Variants in NCK1 observed in about 807,000 individuals in gnomAD.
NCK1 encodes the protein NCK adaptor protein 1, also known as SH2/SH3 adapter protein NCK1.
NCK1 carries 19 observed loss-of-function variants against 36.6 expected under a neutral mutation model. That is an observed-to-expected ratio of 0.52 (90% CI 0.36 to 0.76). The LOEUF (loss-of-function observed/expected upper bound fraction) is 0.76. Ranked by LOEUF, NCK1 falls within the 30% of genes least tolerant of loss-of-function variation. The probability of loss-of-function intolerance (pLI) is 0.00; values close to 1 mark genes in which losing one functional copy is unlikely to be tolerated. For missense variants in NCK1, 358 were observed against 445.6 expected (o/e 0.80, Z 1.77); for synonymous variants, 165 against 156.0 (o/e 1.06, Z -0.43).
Position 136,865,778 on chromosome 3 carries a change from A to G in NCK1, c.-19+3425A>G, listed in dbSNP as rs115975228. On this transcript the variant is annotated intron_variant, in intron 1 of 3. Transcript: ENST00000481752. ...ATATGACATTTAAAGATTTAAGGAA[A>G]CTTTATGTCTGGCTGATCCTCACCT... 4.1e-3 allele frequency among the ~76,000 whole-genome samples: 618 copies of G among 152,338 alleles called. 2 individuals carry two copies. Among genetic ancestry groups the G allele is most frequent in the Middle Eastern group, 0.031 (9 of 294 alleles).
chr3:136,910,735 C>T (rs558503630), intron 1 of NCK1, among the ~76,000 whole-genome samples: 1 of 152,294 alleles, frequency 6.6e-6, no homozygotes, highest in African/African-American at 2.4e-5. Context: ...ATGATTAAAT[C>T]AAGCTAATTA....
chr3:136,895,784 C>G (rs1257962331), intron 1 of NCK1, among the ~76,000 whole-genome samples: 1 of 152,108 alleles, frequency 6.6e-6, no homozygotes, highest in Non-Finnish European at 1.5e-5. Context: ...AGGCTGATCT[C>G]TAACTCCTGA....
chr3:136,896,302 C>T (rs1436536755), intron 1 of NCK1, among the ~76,000 whole-genome samples: 2 of 152,110 alleles, frequency 1.3e-5, no homozygotes, highest in African/African-American at 4.8e-5. Context: ...CCCATGTACC[C>T]TTCTCAGATT....
chr3:136,923,120 T>TGC (rs765999993), intron 1 of NCK1, among the ~76,000 whole-genome samples: 9 of 152,034 alleles, frequency 5.9e-5, no homozygotes, highest in Non-Finnish European at 1.0e-4. Context: ...TGTGTGTGTG[T>TGC]GCGCGCCTGT....
intron 1 of NCK1, among the ~76,000 whole-genome samples, chr3:136,889,924 C>G (rs535344655): frequency 5.5e-4 from 84 of 152,354 alleles, no homozygotes; most frequent in African/African-American, 1.7e-3. Context: ...GACTCAGGAG[C>G]CCAGCTGGCT....
chr3:136,943,333 G>T (rs1387439498), intron 2 of NCK1, among the ~76,000 whole-genome samples: 1 of 152,194 alleles, frequency 6.6e-6, no homozygotes, highest in Non-Finnish European at 1.5e-5. Flanking sequence ...AGAAAATTAG[G>T]AAGGAAGAAG....
chr3:136,950,982 A>C lies in NCK1; in HGVS notation c.*2529A>C, dbSNP rs547742450. On this transcript the variant is annotated 3_prime_UTR_variant, in exon 4 of 4. Transcript: ENST00000481752. ...AGGATTCAGCTGAATATATATTCAC[A>C]CATGTATATTACACATATATCACTA... Among the ~76,000 whole-genome samples the C allele has an allele frequency of 6.6e-6, 1 of 152,298 alleles. No individual in the cohort carries two copies. The highest frequency in any genetic ancestry group is 2.4e-5 in the African/African-American group (1 of 41,580).
chr3:136,884,994 T>G (rs1939040858), intron 1 of NCK1, among the ~76,000 whole-genome samples: 1 of 152,142 alleles, frequency 6.6e-6, no homozygotes, highest in Non-Finnish European at 1.5e-5. Context: ...GTGTTGAGAT[T>G]ATAGGTGTGA....
intron 1 of NCK1, among the ~76,000 whole-genome samples, chr3:136,894,639 A>G (rs2108092795): frequency 6.6e-6 from 1 of 152,258 alleles, no homozygotes; most frequent in South Asian, 2.1e-4. Flanking sequence ...CCATTGAGGT[A>G]CTGTAAATGT....
chr3:136,927,928 CA>C, intron 1 of NCK1, 55 bp from the exon 2 acceptor site: 1 of 1,219,832 alleles, frequency 8.2e-7, no homozygotes, highest in South Asian at 1.4e-5. Flanking sequence ...TTTTGAAAAG[CA>C]TGTGAACTAA....
chr3:136,872,222 A>G (rs1236446149), intron 1 of NCK1, among the ~76,000 whole-genome samples: 5 of 152,222 alleles, frequency 3.3e-5, no homozygotes, highest in Admixed American at 3.3e-4. Flanking sequence ...GATATGGACC[A>G]TAAAGTCCAG....
At position 136,908,703 on chromosome 3, in the gene NCK1, G is replaced by T. The variant is rs1463771134; in HGVS notation, c.-18-19281G>T. ...ACAATATATATTTTTTACTGTGGTT[G>T]CCATGTCCCTTACTCAAAATTGGTA... On this transcript the variant is annotated intron_variant, in intron 1 of 3. Coordinates refer to ENST00000481752, the MANE Select transcript of NCK1 (RefSeq NM_001291999.2). Among the ~76,000 whole-genome samples, 7 of 152,206 alleles carry T rather than the reference G, an allele frequency of 4.6e-5. No homozygotes were observed. In the South Asian group the frequency reaches 6.2e-4, roughly 14 times the overall value.
At chr3:136,918,749 A>C (rs956825648) in intron 1 of NCK1, among the ~76,000 whole-genome samples, 1 of 152,190 alleles carries the variant, frequency 6.6e-6, no homozygotes, top group African/African-American at 2.4e-5. Flanking sequence ...CAATTCTTCC[A>C]TTGTGGCCCA....
chr3:136,868,036 G>C (rs902313724), intron 1 of NCK1, among the ~76,000 whole-genome samples: 3 of 151,934 alleles, frequency 2.0e-5, no homozygotes, highest in Non-Finnish European at 4.4e-5. Flanking sequence ...TCTTGCCTCA[G>C]CCTCCTGAGG....
intron 1 of NCK1, among the ~76,000 whole-genome samples, chr3:136,871,568 C>T (rs1167632698): frequency 6.6e-6 from 1 of 152,152 alleles, no homozygotes; most frequent in Non-Finnish European, 1.5e-5. Context: ...TGCGCCCCCT[C>T]CAATCAGTGT....
At position 136,879,989 on chromosome 3, in the gene NCK1, T is replaced by TAAAAAAAAAAAAA. The variant is rs891612999; in HGVS notation, c.-19+17637_-19+17649dup. ...ATGTACCCTAGAACTTAAAGAATAT[T>TAAAAAAAAAAAAA]AAAAAAAAAAAAAGGCTGGGCACAG... On this transcript the variant is annotated intron_variant, in intron 1 of 3. Transcript: ENST00000481752. 5.0e-5 allele frequency among the ~76,000 whole-genome samples: 6 copies of TAAAAAAAAAAAAA among 119,516 alleles called. 1 individual carries two copies. The highest frequency in any genetic ancestry group is 6.7e-5 in the Non-Finnish European group (4 of 59,894). The allele number at this position is 119,516 out of a possible 152,430, so 78.4% of individuals were successfully genotyped here.
At chr3:136,902,337 A>G (rs1004367136) in intron 1 of NCK1, among the ~76,000 whole-genome samples, 18 of 152,008 alleles carry the variant, frequency 1.2e-4, no homozygotes, top group African/African-American at 4.4e-4. Context: ...AGCTGGGACT[A>G]CAGGTGCATG....
intron 1 of NCK1, among the ~76,000 whole-genome samples, chr3:136,875,646 C>T (rs1384605166): frequency 6.6e-6 from 1 of 151,472 alleles, no homozygotes; most frequent in Non-Finnish European, 1.5e-5. Context: ...CACCCAGATT[C>T]ATAAAGCAAG....
chr3:136,948,195 T>C, intron 3 of NCK1, 64 bp from the exon 4 acceptor site: 1 of 1,291,474 alleles, frequency 7.7e-7, no homozygotes, highest in Non-Finnish European at 1.0e-6. Flanking sequence ...TTTAGTTTAA[T>C]ATAAAAATAC....
Sources: gnomAD v4.1 joint callset for allele counts (sites outside exome capture counted in the v4.1 genomes callset) on GRCh38, gnomAD v4.1.1 for gene constraint, MANE v1.5 for transcripts, NCBI Gene and HGNC (gene_info 2026-07-23, HGNC 2026-07-21) for gene names.